Variants in EVI5 observed in about 807,000 individuals in gnomAD.
EVI5 encodes the protein ecotropic viral integration site 5 protein homolog.
A neutral mutation model predicts 112.0 loss-of-function variants in EVI5; 73 were observed. The ratio of observed to expected loss-of-function variants is 0.65; its 90% confidence interval spans 0.54 to 0.79. The LOEUF (loss-of-function observed/expected upper bound fraction) is 0.79, where lower values mean the gene tolerates loss of function less well. Ranked by LOEUF, EVI5 falls within the 30% of genes least tolerant of loss-of-function variation. The probability of loss-of-function intolerance (pLI) is 0.00; values close to 1 mark genes in which losing one functional copy is unlikely to be tolerated. For missense variants in EVI5, 900 were observed against 968.8 expected (o/e 0.93, Z 0.94); for synonymous variants, 305 against 319.9 (o/e 0.95, Z 0.50).
Position 92,614,854 on chromosome 1 carries a change from A to AG in EVI5, c.1828-7128_1828-7127insC, listed in dbSNP as rs1252069474. On this transcript the variant is annotated intron_variant, in intron 16 of 19. Transcript: ENST00000684568. ...TATGTTATATTTTATATATATATATATATATATATATATATATATATATAT... is the reference window on the plus strand; with the variant it reads ...TATGTTATATTTTATATATATATATAGTATATATATATATATATATATATAT... Among the ~76,000 whole-genome samples the AG allele has an allele frequency of 1.5e-3, 9 of 5,978 alleles. No individual in the cohort carries two copies. In the East Asian group the frequency reaches 0.056, roughly 37 times the overall value. 3.9% of individuals were successfully genotyped at this position (5,978 alleles called of 152,430 possible).
intron 19 of EVI5, among the ~76,000 whole-genome samples, chr1:92,553,297 ATTTTTTTT>A (rs147973775): frequency 4.0e-5 from 3 of 74,214 alleles, no homozygotes; most frequent in African/African-American, 5.8e-5. Flanking sequence ...CACCTGGCCA[ATTTTTTTT>A]TTTTTTTTTT....
chr1:92,713,042 C>A (rs572840346), intron 2 of EVI5, among the ~76,000 whole-genome samples: 3 of 151,920 alleles, frequency 2.0e-5, no homozygotes, highest in African/African-American at 7.2e-5. Flanking sequence ...CCCACCTAGG[C>A]CTCCCAAAGT....
intron 10 of EVI5, among the ~76,000 whole-genome samples, chr1:92,676,807 C>G (rs1406187138): frequency 6.6e-6 from 1 of 152,072 alleles, no homozygotes; most frequent in East Asian, 1.9e-4. Context: ...TAATGTTTGC[C>G]TGAGATTACA....
At chr1:92,540,830 T>A (rs1557743412) in intron 19 of EVI5, among the ~76,000 whole-genome samples, 1 of 152,128 alleles carries the variant, frequency 6.6e-6, no homozygotes, top group Non-Finnish European at 1.5e-5. Context: ...TCCCAGCACT[T>A]TGGGAGGCCG....
intron 16 of EVI5, among the ~76,000 whole-genome samples, chr1:92,611,231 A>C (rs916487067): frequency 3.9e-5 from 6 of 152,082 alleles, no homozygotes; most frequent in Non-Finnish European, 7.4e-5. Flanking sequence ...CTGTAACAAA[A>C]CTTAGAATGC....
chr1:92,724,977 C>T (rs370908280), intron 2 of EVI5, among the ~76,000 whole-genome samples: 1 of 152,092 alleles, frequency 6.6e-6, no homozygotes, highest in African/African-American at 2.4e-5. Flanking sequence ...GAGATACAGT[C>T]TTGTGTGCTC....
chr1:92,616,997 T>C (rs1439334550), intron 16 of EVI5, among the ~76,000 whole-genome samples: 1 of 152,228 alleles, frequency 6.6e-6, no homozygotes, highest in African/African-American at 2.4e-5. Context: ...TCTCCACTCC[T>C]GCCACCCTGT....
chr1:92,542,361 C>T (rs966579120), intron 19 of EVI5, among the ~76,000 whole-genome samples: 2 of 151,936 alleles, frequency 1.3e-5, no homozygotes, highest in Non-Finnish European at 2.9e-5. Flanking sequence ...TCAGGCTCTA[C>T]TACATTACTA....
At chr1:92,516,734 C>T (rs1659949908) in intron 19 of EVI5, among the ~76,000 whole-genome samples, 1 of 152,114 alleles carries the variant, frequency 6.6e-6, no homozygotes, top group Admixed American at 6.6e-5. Context: ...TAGAAGAAAG[C>T]CACAGCTGGG....
chr1:92,593,955 T>C (rs1329703733), intron 18 of EVI5, among the ~76,000 whole-genome samples: 3 of 152,214 alleles, frequency 2.0e-5, no homozygotes, highest in East Asian at 3.8e-4. Context: ...TCCATGCTTA[T>C]GGGTAGGAAG....
chr1:92,578,874 TTTTG>T (rs1671508708), intron 18 of EVI5, among the ~76,000 whole-genome samples: 1 of 151,904 alleles, frequency 6.6e-6, no homozygotes. Context: ...TAAACCATGG[TTTTG>T]TTTGTTTGTT....
chr1:92,539,561 A>AC, intron 19 of EVI5, among the ~76,000 whole-genome samples: 1 of 4,724 alleles, frequency 2.1e-4, no homozygotes, highest in Non-Finnish European at 3.3e-4. Context: ...AAAAAAAAAA[A>AC]AAAAATCTTG....
intron 13 of EVI5, among the ~76,000 whole-genome samples, chr1:92,645,161 C>A (rs1660703831): frequency 6.6e-6 from 1 of 152,116 alleles, no homozygotes; most frequent in Non-Finnish European, 1.5e-5. Flanking sequence ...TGTTAGCATA[C>A]ATATATTAGG....
intron 16 of EVI5, among the ~76,000 whole-genome samples, chr1:92,614,632 G>A (rs1652614507): frequency 6.6e-6 from 1 of 151,912 alleles, no homozygotes. Flanking sequence ...TTTGTCCCGT[G>A]CTGGATGCTT....
intron 14 of EVI5, among the ~76,000 whole-genome samples, chr1:92,629,081 T>C (rs2101823711): frequency 6.6e-6 from 1 of 152,336 alleles, no homozygotes; most frequent in East Asian, 1.9e-4. Flanking sequence ...TTTCTAATTG[T>C]AAGACACAGA....
At chr1:92,689,751 C>T (rs139526240) in intron 9 of EVI5, among the ~76,000 whole-genome samples, 208 of 152,326 alleles carry the variant, frequency 1.4e-3, no homozygotes, top group African/African-American at 4.8e-3. Context: ...ACACAGCTTA[C>T]TTTGCAACCT....
chr1:92,545,503 A>G (rs183003745), intron 19 of EVI5, among the ~76,000 whole-genome samples: 1 of 152,290 alleles, frequency 6.6e-6, no homozygotes. Context: ...ATTTAAGAAC[A>G]TAGAGAATTA....
chr1:92,714,066 C>A, intron 2 of EVI5: 1 of 984,308 alleles, frequency 1.0e-6, no homozygotes, highest in Non-Finnish European at 1.2e-6. Flanking sequence ...ATTTAACACA[C>A]AAGGGGGAAA....
chr1:92,749,553 T>C (rs1230155737), intron 1 of EVI5, among the ~76,000 whole-genome samples: 1 of 152,030 alleles, frequency 6.6e-6, no homozygotes, highest in African/African-American at 2.4e-5. Flanking sequence ...AGATGCTCAA[T>C]AAATGTCTCT....
Sources: allele counts gnomAD v4.1 joint callset (sites outside exome capture counted in the v4.1 genomes callset), GRCh38; gene constraint gnomAD v4.1.1; transcripts MANE v1.5; gene names NCBI Gene and HGNC (gene_info 2026-07-23, HGNC 2026-07-21).